ADAD1: variants seen among roughly 807,000 people sequenced by gnomAD.
ADAD1 encodes adenosine deaminase domain containing 1, also known as adenosine deaminase domain-containing protein 1.
ADAD1 carries 46 observed loss-of-function variants against 66.8 expected under a neutral mutation model. That is an observed-to-expected ratio of 0.69 (90% CI 0.54 to 0.88). The LOEUF (loss-of-function observed/expected upper bound fraction) is 0.88. Ranked by LOEUF, ADAD1 falls within the 40% of genes least tolerant of loss-of-function variation. The pLI, the probability that ADAD1 is intolerant of heterozygous loss-of-function variation, is 0.00. For synonymous variants in ADAD1, 248 were observed against 229.4 expected, an observed-to-expected ratio of 1.08 and a Z score of -0.73; for missense variants, 617 against 681.8, an observed-to-expected ratio of 0.91 and a Z score of 1.06.
chr4:122,409,454 G>T (rs190781547), intron 8 of ADAD1, among the ~76,000 whole-genome samples: 1 of 151,914 alleles, frequency 6.6e-6, no homozygotes, highest in Non-Finnish European at 1.5e-5. Context: ...TTTTGACACA[G>T]GCATACAGTG....
chr4:122,414,042 C>T (rs1380189636), intron 10 of ADAD1, among the ~76,000 whole-genome samples: 4 of 149,882 alleles, frequency 2.7e-5, no homozygotes, highest in Admixed American at 6.6e-5. Context: ...CAAGATTGAG[C>T]CTCAAGATGT....
At chr4:122,420,259 A>G (rs551321274) in intron 11 of ADAD1, among the ~76,000 whole-genome samples, 5 of 152,340 alleles carry the variant, frequency 3.3e-5, no homozygotes, top group Admixed American at 6.5e-5. Context: ...TAAAACAACT[A>G]TTGTTACTAC....
At chr4:122,408,943 C>T (rs983094093) in intron 8 of ADAD1, among the ~76,000 whole-genome samples, 10 of 151,938 alleles carry the variant, frequency 6.6e-5, no homozygotes, top group Admixed American at 1.3e-4. Flanking sequence ...TTTTTTATGA[C>T]TAAAGTTACT....
rs950277379 is a variant in ADAD1 at position 122,415,252 on chromosome 4, A to G, written c.1250-127A>G. On this transcript the variant is annotated intron_variant, in intron 10 of 12. Transcript: ENST00000296513. ...GAGTAGATGCTAAGAGAATAGAACT[A>G]GGAAAGGGAAGGTTGAAAGATAAAG... The G allele has an allele frequency of 2.6e-4, 177 of 685,672 alleles. No individual in the cohort carries two copies. The Middle Eastern group carries it at 3.4e-3, about 13-fold the overall frequency. The allele number at this position is 685,672 out of a possible 1,614,324, so 42.5% of individuals were successfully genotyped here.
At chr4:122,405,567 G>T (rs1796169525) in intron 7 of ADAD1, among the ~76,000 whole-genome samples, 1 of 151,972 alleles carries the variant, frequency 6.6e-6, no homozygotes, top group Non-Finnish European at 1.5e-5. Context: ...TTCTACCACA[G>T]TACCCTCCTG....
intron 7 of ADAD1, among the ~76,000 whole-genome samples, chr4:122,398,855 G>C (rs1259461182): frequency 6.7e-6 from 1 of 149,972 alleles, no homozygotes; most frequent in Non-Finnish European, 1.5e-5. Context: ...TGAGTTCCTT[G>C]TAGACTCTGG....
intron 7 of ADAD1, among the ~76,000 whole-genome samples, chr4:122,398,378 T>C (rs1188351054): frequency 1.3e-5 from 2 of 151,930 alleles, no homozygotes; most frequent in Admixed American, 6.6e-5. Flanking sequence ...CCACTCATGA[T>C]TGATGGGCAT....
In ADAD1 at chr4:122,429,772, GTT is replaced by G. The variant is rs749112811; in HGVS notation, c.*36_*37del. The G allele has an allele frequency of 6.9e-7, 1 of 1,450,602 alleles. No homozygotes were observed. The highest frequency in any genetic ancestry group is 1.8e-5 in the Admixed American group (1 of 56,194). 89.9% of individuals were successfully genotyped at this position (1,450,602 alleles called of 1,614,324 possible). ...AATCCATTATCACATTAAAAATCTTGTTTTGTTTGGTGTGTTTTGACTAGTAA... is the reference window on the plus strand; with the variant it reads ...AATCCATTATCACATTAAAAATCTTGTTGTTTGGTGTGTTTTGACTAGTAA... On this transcript the variant is annotated 3_prime_UTR_variant, in exon 13 of 13. Transcript: ENST00000296513.
At chr4:122,381,257 C>A (rs1794886695) in intron 4 of ADAD1, 77 bp downstream of exon 4, 2 of 1,366,822 alleles carry the variant, frequency 1.5e-6, no homozygotes, top group Admixed American at 2.8e-5. Flanking sequence ...TTAGTTCTTT[C>A]TTCTAATATT....
At chr4:122,419,506 T>A (rs1796910190) in intron 11 of ADAD1, among the ~76,000 whole-genome samples, 1 of 152,172 alleles carries the variant, frequency 6.6e-6, no homozygotes, top group African/African-American at 2.4e-5. Context: ...AGAAAAAACC[T>A]GCACATGTAC....
At chr4:122,396,483 T>A in intron 7 of ADAD1, 106 bp downstream of exon 7, 2 of 953,476 alleles carry the variant, frequency 2.1e-6, no homozygotes, top group Non-Finnish European at 2.9e-6. Context: ...TGATTTGAAG[T>A]GACTTTTTCT....
At chr4:122,393,023 T>G (rs1795526649) in intron 5 of ADAD1, among the ~76,000 whole-genome samples, 1 of 146,904 alleles carries the variant, frequency 6.8e-6, no homozygotes, top group Admixed American at 7.1e-5. Flanking sequence ...AGCCTCTTCC[T>G]TAAATTTTCC....
In ADAD1 at chr4:122,399,906, A is replaced by G. The variant is rs116229174; in HGVS notation, c.724+3529A>G. ...TCATATCTGGGAGGTTTTTGGATGA[A>G]TCTTTAGGGTGTTCTAGATATGCGA... On this transcript the variant is annotated intron_variant, in intron 7 of 12. Coordinates refer to ENST00000296513, the MANE Select transcript of ADAD1 (RefSeq NM_139243.4). Among the ~76,000 whole-genome samples, 320 of 151,762 alleles carry G rather than the reference A, an allele frequency of 2.1e-3. 4 individuals are homozygous for G. Among genetic ancestry groups the G allele is most frequent in the African/African-American group, 7.0e-3 (291 of 41,422 alleles).
chr4:122,383,328 C>G (rs1274498350), intron 4 of ADAD1, among the ~76,000 whole-genome samples: 1 of 152,104 alleles, frequency 6.6e-6, no homozygotes, highest in Non-Finnish European at 1.5e-5. Flanking sequence ...CTCTTATATT[C>G]TGGAGCTTAA....
At chr4:122,406,172 A>AT (rs937125461) in intron 7 of ADAD1, among the ~76,000 whole-genome samples, 10 of 152,202 alleles carry the variant, frequency 6.6e-5, no homozygotes, top group Non-Finnish European at 1.5e-4. Context: ...CACAATGCCT[A>AT]TAAAAATTTA....
chr4:122,427,881 A>C (rs1797325952), intron 12 of ADAD1, among the ~76,000 whole-genome samples: 1 of 152,162 alleles, frequency 6.6e-6, no homozygotes, highest in Admixed American at 6.5e-5. Flanking sequence ...AAAGTTGGAA[A>C]ACTTACCTAC....
At chr4:122,396,775 G>T (rs935364805) in intron 7 of ADAD1, among the ~76,000 whole-genome samples, 1 of 152,120 alleles carries the variant, frequency 6.6e-6, no homozygotes, top group African/African-American at 2.4e-5. Flanking sequence ...TTAATGTTCT[G>T]AGTTCATCAT....
chr4:122,419,312 A>C (rs2150596787), intron 11 of ADAD1, among the ~76,000 whole-genome samples: 1 of 152,314 alleles, frequency 6.6e-6, no homozygotes, highest in South Asian at 2.1e-4. Context: ...CTCTCTTATA[A>C]GTAGGAGCTA....
Position 122,388,472 on chromosome 4 carries a change from A to T in ADAD1, c.529+4506A>T, listed in dbSNP as rs141872501. 6.7e-3 allele frequency among the ~76,000 whole-genome samples: 1,027 copies of T among 152,304 alleles called. 9 individuals carry two copies. Among genetic ancestry groups the T allele is most frequent in the African/African-American group, 0.024 (990 of 41,570 alleles). On this transcript the variant is annotated intron_variant, in intron 5 of 12. Coordinates refer to ENST00000296513, the MANE Select transcript of ADAD1 (RefSeq NM_139243.4). ...AGCTCCTCTTTGTATTTCTGGTAGA[A>T]TTCAGCTGTGAATCCATCTGGTCCT...
Sources: gnomAD v4.1 joint callset for allele counts (sites outside exome capture counted in the v4.1 genomes callset) on GRCh38, gnomAD v4.1.1 for gene constraint, MANE v1.5 for transcripts, NCBI Gene and HGNC (gene_info 2026-07-23, HGNC 2026-07-21) for gene names.